Variants in ARID1B observed in about 807,000 individuals in gnomAD.
ARID1B encodes the protein AT-rich interaction domain 1B, also known as AT-rich interactive domain-containing protein 1B.
ARID1B carries 30 observed loss-of-function variants against 212.3 expected under a neutral mutation model. The observed-to-expected ratio is 0.14, with a 90% confidence interval of 0.11 to 0.19. ARID1B has a LOEUF of 0.19. Ranked by LOEUF, ARID1B falls within the 10% of genes least tolerant of loss-of-function variation. ARID1B has a pLI of 1.00. For synonymous variants in ARID1B, 1,402 were observed against 1,301.7 expected, an observed-to-expected ratio of 1.08 and a Z score of -1.66; for missense variants, 2,891 against 3,204.0, an observed-to-expected ratio of 0.90 and a Z score of 2.36.
intron 7 of ARID1B, among the ~76,000 whole-genome samples, chr6:157,145,155 C>T (rs1274723245): frequency 1.3e-5 from 2 of 152,092 alleles, no homozygotes; most frequent in South Asian, 2.1e-4. Flanking sequence ...AGGTGGTGTT[C>T]GGGACTAAGG....
chr6:157,167,248 A>C (rs781491454), intron 9 of ARID1B, 63 bp downstream of exon 9: 2 of 1,541,710 alleles, frequency 1.3e-6, no homozygotes, highest in South Asian at 2.4e-5. Context: ...CTTAGGCTCC[A>C]CCAGTGAATC....
chr6:157,206,949 C>A lies in ARID1B; in HGVS notation c.6177C>A (p.His2059Gln). 1.2e-6 allele frequency: 2 copies of A among 1,614,248 alleles called. No homozygotes were observed. Among genetic ancestry groups the A allele is most frequent in the South Asian group, 1.1e-5 (1 of 91,086 alleles). ...RDETPLCTIA[H>Q]WQDSLAKRCI... ...AGACTCCTCTGTGTACCATCGCGCA[C>A]TGGCAGGACTCGCTGGCTAAGCGAT... The change falls in exon 20 of 20, where the codon CAC (histidine) becomes CAA (glutamine). Residue 2059 changes from histidine (H) to glutamine (Q), a missense_variant. Transcript: ENST00000636930. This position sits in a 1 kb window ranked among gnomAD's most constrained non-coding sequence, Gnocchi z 6.8.
chr6:157,036,762 T>C, intron 4 of ARID1B: 1 of 482,428 alleles, frequency 2.1e-6, no homozygotes, highest in South Asian at 1.5e-5. Flanking sequence ...GCCATGCCTG[T>C]GTCTGGTTTC....
intron 4 of ARID1B, among the ~76,000 whole-genome samples, chr6:157,075,177 C>T (rs1001560563): frequency 1.3e-5 from 2 of 151,934 alleles, no homozygotes; most frequent in African/African-American, 4.8e-5. Flanking sequence ...TTTTGGAAAC[C>T]TCTTATCTAA....
intron 3 of ARID1B, among the ~76,000 whole-genome samples, chr6:156,905,619 T>C (rs1789312957): frequency 6.6e-6 from 1 of 152,216 alleles, no homozygotes; most frequent in Admixed American, 6.5e-5. Context: ...TGAATTTCCT[T>C]AGGTATATGG....
intron 3 of ARID1B, 139 bp from the exon 4 acceptor site, chr6:156,935,327 G>T (rs1325018740): frequency 7.5e-6 from 5 of 669,986 alleles, no homozygotes; most frequent in Non-Finnish European, 1.3e-5. Context: ...CGATCTGCCT[G>T]CCTTGATCTC....
At chr6:157,099,326 C>G (rs1785896965) in intron 5 of ARID1B, among the ~76,000 whole-genome samples, 1 of 152,148 alleles carries the variant, frequency 6.6e-6, no homozygotes, top group Admixed American at 6.5e-5. Flanking sequence ...CATGTATCCT[C>G]TGACTTAACT....
chr6:157,158,766 A>T (rs995994045), intron 8 of ARID1B, among the ~76,000 whole-genome samples: 2 of 152,244 alleles, frequency 1.3e-5, no homozygotes, highest in African/African-American at 4.8e-5. Flanking sequence ...GGATGTGGCT[A>T]TTCCTAGCAC....
chr6:156,826,098 C>T (rs1782720245), intron 1 of ARID1B, among the ~76,000 whole-genome samples: 1 of 152,070 alleles, frequency 6.6e-6, no homozygotes, highest in African/African-American at 2.4e-5. Flanking sequence ...CAAACAATGT[C>T]TTGGCTGGTG....
chr6:157,205,953 G>C, intron 19 of ARID1B: 1 of 598,756 alleles, frequency 1.7e-6, no homozygotes, highest in Non-Finnish European at 3.0e-6. Context: ...TAAGGAACAT[G>C]CTAAACATCG....
chr6:157,073,623 A>G (rs949948134), intron 4 of ARID1B, among the ~76,000 whole-genome samples: 16 of 152,216 alleles, frequency 1.1e-4, no homozygotes, highest in Middle Eastern at 3.2e-3. Flanking sequence ...TCACTGTGGC[A>G]TAAATGTTAT....
chr6:157,091,116 T>C (rs1785250033), intron 5 of ARID1B, among the ~76,000 whole-genome samples: 1 of 152,160 alleles, frequency 6.6e-6, no homozygotes. Context: ...TGGTCAGAGC[T>C]CGTCCTCCTA....
intron 4 of ARID1B, among the ~76,000 whole-genome samples, chr6:157,032,351 G>A (rs1030124483): frequency 6.6e-6 from 1 of 151,920 alleles, no homozygotes. Context: ...TCCCATATTT[G>A]TACGTTTTTT....
intron 13 of ARID1B, chr6:157,186,446 C>T (rs1029956298): frequency 2.1e-5 from 10 of 471,004 alleles, no homozygotes; most frequent in Non-Finnish European, 4.0e-5. Flanking sequence ...GTGCAGGGGG[C>T]TCCAGGCACA....
intron 7 of ARID1B, among the ~76,000 whole-genome samples, chr6:157,133,506 G>A (rs747882324): frequency 6.6e-6 from 1 of 152,222 alleles, no homozygotes; most frequent in Non-Finnish European, 1.5e-5. Flanking sequence ...TCTAAACGTA[G>A]AGAAAAAGAC....
At chr6:156,948,202 A>G (rs1793305012) in intron 4 of ARID1B, among the ~76,000 whole-genome samples, 1 of 152,212 alleles carries the variant, frequency 6.6e-6, no homozygotes, top group Non-Finnish European at 1.5e-5. Context: ...TTTGCTTTTC[A>G]TAGTTGCTGC....
At chr6:157,051,324 TA>T (rs1782591332) in intron 4 of ARID1B, among the ~76,000 whole-genome samples, 1 of 152,210 alleles carries the variant, frequency 6.6e-6, no homozygotes, top group Admixed American at 6.6e-5. Context: ...AAATGTGCCT[TA>T]AACTAAAACA....
chr6:156,969,825 G>A (rs1776794535), intron 4 of ARID1B, among the ~76,000 whole-genome samples: 1 of 150,832 alleles, frequency 6.6e-6, no homozygotes, highest in Non-Finnish European at 1.5e-5. Context: ...ACACTGTCTA[G>A]TAACTTAGAA....
At chr6:157,150,082 G>A (rs1329584051) in intron 8 of ARID1B, 1 of 152,216 alleles carries the variant, frequency 6.6e-6, no homozygotes, top group Non-Finnish European at 1.5e-5. Flanking sequence ...AAACCTGTCT[G>A]TGAAAACTGG....
Sources: gnomAD v4.1 joint callset for allele counts (sites outside exome capture counted in the v4.1 genomes callset) on GRCh38, gnomAD v4.1.1 for gene constraint, Gnocchi (gnomAD v3.1) non-coding constraint, MANE v1.5 for transcripts, NCBI Gene and HGNC (gene_info 2026-07-23, HGNC 2026-07-21) for gene names.